The following SPOCK3 variants were observed in gnomAD, a reference collection of about 807,000 sequenced individuals.
SPOCK3 encodes the protein SPARC (osteonectin), cwcv and kazal like domains proteoglycan 3, also known as testican-3.
In SPOCK3, 30 loss-of-function variants were observed where a neutral mutation model predicts 56.6. That is an observed-to-expected ratio of 0.53 (90% CI 0.40 to 0.72). SPOCK3 has a LOEUF of 0.72. Among genes scored for constraint, SPOCK3 ranks in the 30% least tolerant of loss-of-function variants. The pLI is 0.00. For missense variants in SPOCK3, 527 were observed against 530.0 expected (o/e 0.99, Z 0.06); for synonymous variants, 196 against 183.3 (o/e 1.07, Z -0.56).
At chr4:167,136,751 T>G (rs1413199416) in intron 2 of SPOCK3, among the ~76,000 whole-genome samples, 1 of 152,148 alleles carries the variant, frequency 6.6e-6, no homozygotes, top group Non-Finnish European at 1.5e-5. Flanking sequence ...TTAACAAAAT[T>G]TTCAAATGCT....
intron 4 of SPOCK3, among the ~76,000 whole-genome samples, chr4:166,935,781 A>C (rs1448981142): frequency 6.6e-6 from 1 of 152,244 alleles, no homozygotes; most frequent in East Asian, 1.9e-4. Context: ...CCATTAACAC[A>C]GGCAAGACAT....
chr4:167,035,762 T>C (rs984976760), intron 3 of SPOCK3, among the ~76,000 whole-genome samples: 1 of 152,160 alleles, frequency 6.6e-6, no homozygotes, highest in East Asian at 1.9e-4. Context: ...TTCATTCTCA[T>C]CCTAAAAGAT....
intron 6 of SPOCK3, among the ~76,000 whole-genome samples, chr4:166,886,477 A>G (rs1365083518): frequency 2.0e-5 from 3 of 152,118 alleles, no homozygotes; most frequent in African/African-American, 7.2e-5. Context: ...ATCTGTTTTT[A>G]TTTATTTAAA....
chr4:166,747,809 G>A (rs1735847699), intron 8 of SPOCK3, among the ~76,000 whole-genome samples: 1 of 151,928 alleles, frequency 6.6e-6, no homozygotes, highest in African/African-American at 2.4e-5. Flanking sequence ...AAATCAATGT[G>A]CAAAAATCAC....
chr4:167,178,699 C>T (rs1731193399), intron 2 of SPOCK3, among the ~76,000 whole-genome samples: 1 of 151,904 alleles, frequency 6.6e-6, no homozygotes, highest in Non-Finnish European at 1.5e-5. Context: ...ATGATAATAA[C>T]ATACTGAGCA....
intron 6 of SPOCK3, among the ~76,000 whole-genome samples, chr4:166,888,121 A>G (rs1179772575): frequency 6.6e-6 from 1 of 152,140 alleles, no homozygotes; most frequent in Admixed American, 6.6e-5. Context: ...TTTGGAAGTT[A>G]TATCTGTAAT....
intron 6 of SPOCK3, among the ~76,000 whole-genome samples, chr4:166,803,863 A>G (rs926251368): frequency 1.3e-5 from 2 of 152,192 alleles, no homozygotes; most frequent in Non-Finnish European, 2.9e-5. Context: ...GAATGTATAC[A>G]TGATTGTTCC....
intron 5 of SPOCK3, among the ~76,000 whole-genome samples, chr4:166,900,842 G>C (rs1735973339): frequency 6.6e-6 from 1 of 152,100 alleles, no homozygotes; most frequent in Admixed American, 6.6e-5. Flanking sequence ...CTAATCTTGT[G>C]GTAATAGAAG....
chr4:167,103,331 TG>T (rs2150329262), intron 2 of SPOCK3, among the ~76,000 whole-genome samples: 1 of 152,188 alleles, frequency 6.6e-6, no homozygotes, highest in Admixed American at 6.5e-5. Flanking sequence ...AGCTCTTGGA[TG>T]GTATTTCTAG....
intron 2 of SPOCK3, among the ~76,000 whole-genome samples, chr4:167,223,034 T>G: frequency 8.4e-6 from 1 of 119,142 alleles, no homozygotes; most frequent in South Asian, 2.4e-4. Flanking sequence ...TAATATATTA[T>G]ATTTTATATA....
At chr4:166,964,618 A>G (rs559954140) in intron 4 of SPOCK3, among the ~76,000 whole-genome samples, 1 of 151,740 alleles carries the variant, frequency 6.6e-6, no homozygotes, top group South Asian at 2.1e-4. Flanking sequence ...GTATGTAAAT[A>G]TATAGTTGAT....
At chr4:166,780,253 C>T (rs929077917) in intron 7 of SPOCK3, among the ~76,000 whole-genome samples, 3 of 152,082 alleles carry the variant, frequency 2.0e-5, no homozygotes, top group Admixed American at 2.0e-4. Context: ...TACCAAATAC[C>T]ATGTAAGCTA....
intron 2 of SPOCK3, among the ~76,000 whole-genome samples, chr4:167,077,851 A>T (rs1369428550): frequency 6.6e-6 from 1 of 151,866 alleles, no homozygotes. Context: ...GAGAGGAAAG[A>T]AAGGTGGAAG....
At chr4:167,012,840 A>C (rs1045910394) in intron 3 of SPOCK3, among the ~76,000 whole-genome samples, 3 of 152,014 alleles carry the variant, frequency 2.0e-5, no homozygotes, top group African/African-American at 7.2e-5. Context: ...TTGTAACTCT[A>C]TGCTGTAAAG....
chr4:166,754,539 A>C lies in SPOCK3; in HGVS notation c.900T>G (p.Asn300Lys). ...DTYKDSLISN[N>K]EWCYCFQRQQ... ...GTCTCTGGAAGCAGTAGCACCACTC[A>C]TTATTAGATATTAAACTGTCCTTGT... The change falls in exon 8 of 11, where the codon AAT becomes AAG. Residue 300 changes from asparagine to lysine, a missense_variant. By Grantham distance (94) the Asn-to-Lys change is moderately conservative. Coordinates refer to ENST00000357545, the MANE Select transcript of SPOCK3 (RefSeq NM_001040159.2). 2 of 1,613,408 alleles carry C rather than the reference A, an allele frequency of 1.2e-6. No individual in the cohort carries two copies. The highest frequency in any genetic ancestry group is 8.5e-7 in the Non-Finnish European group (1 of 1,179,618).
chr4:166,868,282 CA>C (rs139477830), intron 6 of SPOCK3, among the ~76,000 whole-genome samples: 3 of 129,916 alleles, frequency 2.3e-5, no homozygotes, highest in East Asian at 2.2e-4. Flanking sequence ...CTTATCTCTA[CA>C]AAAAAAAAGA....
intron 7 of SPOCK3, among the ~76,000 whole-genome samples, chr4:166,764,338 C>A (rs538284552): frequency 2.6e-5 from 4 of 152,026 alleles, no homozygotes; most frequent in African/African-American, 4.8e-5. Context: ...TTTCCCTCCC[C>A]CCTCTCCCCA....
intron 7 of SPOCK3, among the ~76,000 whole-genome samples, chr4:166,770,823 G>A (rs1438290519): frequency 2.0e-5 from 3 of 151,766 alleles, no homozygotes; most frequent in East Asian, 1.9e-4. Flanking sequence ...GTAAAATAAT[G>A]GAACATTTAA....
intron 4 of SPOCK3, among the ~76,000 whole-genome samples, chr4:166,962,802 A>G: frequency 6.6e-6 from 1 of 152,188 alleles, no homozygotes. Flanking sequence ...TCAAAATCTA[A>G]CTATGGGAAA....
Sources: gnomAD v4.1 joint callset for allele counts (sites outside exome capture counted in the v4.1 genomes callset) on GRCh38, gnomAD v4.1.1 for gene constraint, MANE v1.5 for transcripts, NCBI Gene and HGNC (gene_info 2026-07-23, HGNC 2026-07-21) for gene names.